The following NAA11 variants were observed in gnomAD, a reference collection of about 807,000 sequenced individuals.
NAA11 encodes the protein N-alpha-acetyltransferase 11.
In NAA11, 15 loss-of-function variants were observed where a neutral mutation model predicts 16.1. That is an observed-to-expected ratio of 0.93 (90% CI 0.62 to 1.44). The LOEUF is 1.44. NAA11 is among the 40% of genes most tolerant of loss of function. NAA11 has a pLI of 0.00. For synonymous variants in NAA11, 122 were observed against 112.4 expected (o/e 1.09, Z -0.54); for missense variants, 298 against 291.3 (o/e 1.02, Z -0.17).
chr4:79,165,916 T>G, the NAA11 span, among the ~76,000 whole-genome samples: 1 of 152,128 alleles, frequency 6.6e-6, no homozygotes, highest in Non-Finnish European at 1.5e-5. Flanking sequence ...GGTAACTTGG[T>G]TTTGCCTCAG....
intron 2 of NAA11, among the ~76,000 whole-genome samples, chr4:79,231,280 T>G (rs1378979036): frequency 6.6e-6 from 1 of 151,884 alleles, no homozygotes. Flanking sequence ...TTTCCCCTGG[T>G]GAAACAATGA....
chr4:79,303,317 T>C (rs1272024471), intron 1 of NAA11, among the ~76,000 whole-genome samples: 1 of 151,912 alleles, frequency 6.6e-6, no homozygotes, highest in Non-Finnish European at 1.5e-5. Context: ...GTTCATTTAT[T>C]ATTTTATTTT....
intron 2 of NAA11, among the ~76,000 whole-genome samples, chr4:79,267,733 C>G (rs1173449398): frequency 6.6e-5 from 10 of 152,076 alleles, no homozygotes. Flanking sequence ...GAGTTTATTT[C>G]CCATCCTGAT....
chr4:79,239,712 T>A (rs548144506), intron 2 of NAA11, among the ~76,000 whole-genome samples: 1 of 151,500 alleles, frequency 6.6e-6, no homozygotes, highest in Admixed American at 6.6e-5. Flanking sequence ...AAAAAAAAAA[T>A]GTTTGTGAAT....
the NAA11 span, among the ~76,000 whole-genome samples, chr4:79,162,481 T>C: frequency 1.3e-5 from 2 of 152,282 alleles, no homozygotes; most frequent in African/African-American, 4.8e-5. Context: ...TGGTGATTAG[T>C]GAGTACTAAA....
chr4:79,217,939 A>G, the NAA11 span, among the ~76,000 whole-genome samples: 1 of 152,174 alleles, frequency 6.6e-6, no homozygotes, highest in African/African-American at 2.4e-5. Flanking sequence ...ATACATGTGT[A>G]GAAGTGTCTG....
chr4:79,298,224 G>A (rs187056034), intron 1 of NAA11, among the ~76,000 whole-genome samples: 48 of 152,282 alleles, frequency 3.2e-4, no homozygotes, highest in African/African-American at 1.1e-3. Context: ...GCTCCTCTTC[G>A]TCTTGCTCAC....
At chr4:79,310,143 A>G (rs1168773891) in intron 1 of NAA11, among the ~76,000 whole-genome samples, 2 of 152,222 alleles carry the variant, frequency 1.3e-5, no homozygotes, top group Non-Finnish European at 2.9e-5. Flanking sequence ...GCCTGGGCAC[A>G]TTCAGAGACA....
At chr4:79,288,957 A>AT (rs1723014538) in intron 2 of NAA11, among the ~76,000 whole-genome samples, 1 of 152,138 alleles carries the variant, frequency 6.6e-6, no homozygotes, top group Non-Finnish European at 1.5e-5. Flanking sequence ...GTCATTCAAT[A>AT]TTTTTCTACA....
chr4:79,216,850 G>A, the NAA11 span, among the ~76,000 whole-genome samples: 1 of 152,082 alleles, frequency 6.6e-6, no homozygotes, highest in South Asian at 2.1e-4. Context: ...AATAAAAATG[G>A]CTTCAATACA....
chr4:79,234,451 T>C (rs1721529631), intron 2 of NAA11, among the ~76,000 whole-genome samples: 1 of 152,142 alleles, frequency 6.6e-6, no homozygotes, highest in Non-Finnish European at 1.5e-5. Context: ...CTACGCTTAA[T>C]TGGCCAAGAA....
chr4:79,202,141 C>A, the NAA11 span, among the ~76,000 whole-genome samples: 1 of 151,456 alleles, frequency 6.6e-6, no homozygotes, highest in East Asian at 1.9e-4. Flanking sequence ...TGAGATCAAC[C>A]TTTTTAGATT....
chr4:79,271,705 T>C (rs2109981144), intron 2 of NAA11, among the ~76,000 whole-genome samples: 1 of 152,172 alleles, frequency 6.6e-6, no homozygotes, highest in South Asian at 2.1e-4. Flanking sequence ...AATGTTTAAG[T>C]AATGTTGAAA....
the NAA11 span, among the ~76,000 whole-genome samples, chr4:79,171,605 A>T: frequency 1.3e-5 from 2 of 152,210 alleles, no homozygotes; most frequent in African/African-American, 2.4e-5. Flanking sequence ...CAGGTGCTGA[A>T]GCATCTCATA....
the NAA11 span, among the ~76,000 whole-genome samples, chr4:79,187,090 ATTTTCT>A: frequency 6.6e-6 from 1 of 152,032 alleles, no homozygotes; most frequent in African/African-American, 2.4e-5. Context: ...TCCAAGACTG[ATTTTCT>A]TTTTTACATT....
chr4:79,230,939 A>G (rs4246717), intron 2 of NAA11, among the ~76,000 whole-genome samples: 18,264 of 152,038 alleles, frequency 0.12, 1,337 homozygotes, highest in African/African-American at 0.19. Flanking sequence ...CCCCTGTTCA[A>G]TATTATCATA....
chr4:79,268,884 A>C lies in NAA11; in HGVS notation c.*122+25121T>G, dbSNP rs537134773. Among the ~76,000 whole-genome samples the C allele has an allele frequency of 1.9e-4, 22 of 115,310 alleles. No homozygotes were observed. The South Asian group carries it at 5.2e-3, about 27-fold the overall frequency. 75.6% of individuals were successfully genotyped at this position (115,310 alleles called of 152,430 possible). The stretch of plus-strand genomic sequence containing the variant: ...ACCCCACCACAGTCCCCAGAGTGTG[A>C]TATTCCCCTTCCTGTGTCCATGTGA... On this transcript the variant is annotated intron_variant and NMD_transcript_variant, in intron 2 of 2. Coordinates refer to the NAA11 transcript ENST00000511542.
chr4:79,325,153 C>A, intron 1 of NAA11, 23 bp downstream of exon 1: 1 of 1,542,952 alleles, frequency 6.5e-7, no homozygotes, highest in South Asian at 1.2e-5. Context: ...GAAGGGGGTA[C>A]TGGGTCAGGG....
chr4:79,313,379 G>A (rs1183226534), downstream of NAA11, among the ~76,000 whole-genome samples: 6 of 152,070 alleles, frequency 3.9e-5, no homozygotes, highest in East Asian at 1.9e-4. Flanking sequence ...AGCCAAACTA[G>A]GACTAAAATT....
Sources: gnomAD v4.1 joint callset for allele counts (sites outside exome capture counted in the v4.1 genomes callset) on GRCh38, gnomAD v4.1.1 for gene constraint, MANE v1.5 for transcripts, NCBI Gene and HGNC (gene_info 2026-07-23, HGNC 2026-07-21) for gene names.